Variants in DPP10 observed in about 807,000 individuals in gnomAD.
The protein encoded by DPP10 is inactive dipeptidyl peptidase 10.
A neutral mutation model predicts 120.9 loss-of-function variants in DPP10; 33 were observed. The ratio of observed to expected loss-of-function variants is 0.27; its 90% CI spans 0.21 to 0.37. The LOEUF is 0.37. DPP10 is among the 10% of genes least tolerant of loss of function. The pLI is 1.00. For synonymous variants in DPP10, 337 were observed against 326.1 expected, an observed-to-expected ratio of 1.03 and a Z score of -0.36; for missense variants, 816 against 942.8, an observed-to-expected ratio of 0.87 and a Z score of 1.76.
intron 1 of DPP10, among the ~76,000 whole-genome samples, chr2:114,961,257 T>G (rs1698605822): frequency 6.6e-6 from 1 of 152,100 alleles, no homozygotes; most frequent in Non-Finnish European, 1.5e-5. Context: ...TTTCTCCATG[T>G]TGGTCAGGCT....
intron 1 of DPP10, among the ~76,000 whole-genome samples, chr2:114,524,506 C>T (rs1362254921): frequency 6.6e-6 from 1 of 152,146 alleles, no homozygotes; most frequent in African/African-American, 2.4e-5. Flanking sequence ...TAGTCCTGCC[C>T]TTTGAAGCTA....
chr2:115,025,026 A>G (rs1238335671), intron 1 of DPP10, among the ~76,000 whole-genome samples: 1 of 151,824 alleles, frequency 6.6e-6, no homozygotes, highest in African/African-American at 2.4e-5. Flanking sequence ...CACTTGAATC[A>G]TTCTTTTCTA....
At chr2:114,493,503 A>G (rs1488988877) in intron 1 of DPP10, among the ~76,000 whole-genome samples, 1 of 152,098 alleles carries the variant, frequency 6.6e-6, no homozygotes, top group African/African-American at 2.4e-5. Context: ...AAACCCAGAA[A>G]GATAAGGGTA....
At chr2:114,785,971 A>G (rs931250554) in intron 1 of DPP10, among the ~76,000 whole-genome samples, 2 of 152,218 alleles carry the variant, frequency 1.3e-5, no homozygotes, top group Admixed American at 6.5e-5. Flanking sequence ...TAAGATTTAA[A>G]AATGGCTTGT....
intron 1 of DPP10, among the ~76,000 whole-genome samples, chr2:115,225,380 A>G (rs1051694845): frequency 6.6e-6 from 1 of 152,070 alleles, no homozygotes; most frequent in African/African-American, 2.4e-5. Context: ...GAGGATGACA[A>G]CCTGCCTTGA....
At chr2:114,935,708 A>C (rs931656688) in intron 1 of DPP10, among the ~76,000 whole-genome samples, 7 of 152,144 alleles carry the variant, frequency 4.6e-5, no homozygotes, top group Admixed American at 4.6e-4. Flanking sequence ...TCAGGTCCCA[A>C]CCCAAGACCA....
intron 7 of DPP10, among the ~76,000 whole-genome samples, chr2:115,695,633 C>T (rs2091543916): frequency 6.6e-6 from 1 of 152,142 alleles, no homozygotes; most frequent in Non-Finnish European, 1.5e-5. Context: ...CCTACCATGA[C>T]ATGTGGGAAT....
intron 1 of DPP10, among the ~76,000 whole-genome samples, chr2:114,791,501 A>G (rs1303783994): frequency 2.0e-5 from 3 of 152,104 alleles, no homozygotes. Flanking sequence ...AGTTTTCCCA[A>G]TTTGTCGCTC....
chr2:114,482,600 G>A (rs946770505), intron 1 of DPP10, among the ~76,000 whole-genome samples: 1 of 152,048 alleles, frequency 6.6e-6, no homozygotes, highest in African/African-American at 2.4e-5. Context: ...TTAAACAGAG[G>A]TAGACTGAAG....
chr2:115,247,301 A>G (rs1345991729), intron 1 of DPP10, among the ~76,000 whole-genome samples: 1 of 152,090 alleles, frequency 6.6e-6, no homozygotes, highest in Non-Finnish European at 1.5e-5. Context: ...GATGTCAACC[A>G]AGGTGTAAAA....
chr2:115,461,207 T>A (rs2073965562), intron 3 of DPP10, among the ~76,000 whole-genome samples: 1 of 114,288 alleles, frequency 8.7e-6, no homozygotes, highest in African/African-American at 6.2e-5. Context: ...ATTTGATGCT[T>A]TTTTTTTTAG....
In DPP10 at chr2:114,740,149, C is replaced by T. The variant is rs917097468; in HGVS notation, c.60+297311C>T. Among the ~76,000 whole-genome samples the T allele has an allele frequency of 2.0e-5, 3 of 151,168 alleles. No homozygotes were observed. The East Asian group carries it at 5.8e-4, about 29-fold the overall frequency. ...TAGACTGGATTAAGAAAATGTGGCA[C>T]ATATACACCATGGAATACTATGCAG... On this transcript the variant is annotated intron_variant, in intron 1 of 25. Transcript: ENST00000410059.
At chr2:114,929,668 C>T (rs1169006935) in intron 1 of DPP10, among the ~76,000 whole-genome samples, 4 of 152,154 alleles carry the variant, frequency 2.6e-5, no homozygotes, top group African/African-American at 7.2e-5. Context: ...GCCCAGATTT[C>T]ATATTGTTCA....
chr2:114,809,135 G>A (rs1312342940), intron 1 of DPP10, among the ~76,000 whole-genome samples: 1 of 152,102 alleles, frequency 6.6e-6, no homozygotes, highest in African/African-American at 2.4e-5. Context: ...CTTGGGACTA[G>A]TGGATGTTCA....
chr2:114,987,804 C>CTTTTTTTTTTTTTTTTTTTTTTTTTT (rs59203543), intron 1 of DPP10, among the ~76,000 whole-genome samples: 5 of 101,034 alleles, frequency 4.9e-5, no homozygotes, highest in East Asian at 3.5e-4. Flanking sequence ...TGGAGACTGT[C>CTTTTTTTTTTTTTTTTTTTTTTTTTT]TTTTTTTTTT....
chr2:114,655,501 T>A (rs1304346898), intron 1 of DPP10, among the ~76,000 whole-genome samples: 1 of 152,222 alleles, frequency 6.6e-6, no homozygotes, highest in South Asian at 2.1e-4. Context: ...ATGAGATTAA[T>A]CCTTCCTTGA....
At chr2:114,886,253 A>G (rs991630680) in intron 1 of DPP10, among the ~76,000 whole-genome samples, 1 of 152,060 alleles carries the variant, frequency 6.6e-6, no homozygotes, top group East Asian at 1.9e-4. Flanking sequence ...TGAAGTATGA[A>G]CTCCTCTTCT....
chr2:115,230,182 C>T (rs189021575), intron 1 of DPP10, among the ~76,000 whole-genome samples: 254 of 151,350 alleles, frequency 1.7e-3, no homozygotes, highest in African/African-American at 5.5e-3. Flanking sequence ...ATTTTATTTC[C>T]GGCTATTGTA....
At chr2:115,780,773 A>G in intron 15 of DPP10, 101 bp from the exon 16 acceptor site, 1 of 1,136,936 alleles carries the variant, frequency 8.8e-7, no homozygotes. Flanking sequence ...GCAAGCACCG[A>G]TGTAACTCCC....
Sources: allele counts gnomAD v4.1 joint callset (sites outside exome capture counted in the v4.1 genomes callset), GRCh38; gene constraint gnomAD v4.1.1; transcripts MANE v1.5; gene names NCBI Gene and HGNC (gene_info 2026-07-23, HGNC 2026-07-21).